The following PROX2 variants were observed in gnomAD, a reference collection of about 807,000 sequenced individuals.
The protein encoded by PROX2 is prospero homeobox protein 2.
PROX2 carries 46 observed loss-of-function variants against 48.9 expected under a neutral mutation model. That is an observed-to-expected ratio of 0.94 (90% confidence interval 0.74 to 1.20). The LOEUF is 1.20. PROX2 is among the 50% of genes most tolerant of loss of function. The pLI is 0.00. For missense variants in PROX2, 663 were observed against 719.4 expected (o/e 0.92, Z 0.90); for synonymous variants, 260 against 276.6 (o/e 0.94, Z 0.60).
intron 1 of PROX2, among the ~76,000 whole-genome samples, chr14:74,873,317 A>G (rs1012113234): frequency 5.3e-5 from 8 of 152,190 alleles, no homozygotes; most frequent in African/African-American, 1.4e-4. Context: ...ACTTACACAA[A>G]TTAACTCTGC....
chr14:74,860,718 A>T (rs1175644828), intron 3 of PROX2, among the ~76,000 whole-genome samples: 3 of 152,194 alleles, frequency 2.0e-5, no homozygotes, highest in Admixed American at 2.0e-4. Flanking sequence ...GTCCCAAGTC[A>T]TTCCAAAGAT....
chr14:74,871,303 A>G (rs1285474906), intron 1 of PROX2, 66 bp from the exon 2 acceptor site: 1 of 152,094 alleles, frequency 6.6e-6, no homozygotes, highest in Non-Finnish European at 1.5e-5. Flanking sequence ...TTTTCTCATT[A>G]ACTCTTTCCC....
Position 74,863,075 on chromosome 14 carries a change from T to C in PROX2, c.760A>G (p.Thr254Ala). ...CCCTGGAAGCTTCTGCCCAGCTGAG[T>C]CAGGTGGCCTGGTGGATCCAATAGT... ...KVLLDPPGHL[T>A]QLGRSFQGQV... is the part of the protein sequence containing the mutation. The change falls in exon 3 of 6, where the codon ACT becomes GCT. Residue 254 changes from threonine (T) to alanine (A), a missense_variant. Physicochemically the swap from Thr to Ala is moderately conservative, Grantham distance 58. Transcript: ENST00000556489. The C allele has an allele frequency of 1.9e-6, 3 of 1,613,956 alleles. No homozygotes were observed. Among genetic ancestry groups the C allele is most frequent in the Non-Finnish European group, 2.5e-6 (3 of 1,179,862 alleles).
At position 74,856,945 on chromosome 14, in the gene PROX2, AC is replaced by A; in HGVS notation, c.1463del (p.Arg488LeufsTer60). The A allele has an allele frequency of 6.2e-7, 1 of 1,614,024 alleles. No homozygotes were observed. Among genetic ancestry groups the A allele is most frequent in the Non-Finnish European group, 8.5e-7 (1 of 1,179,886 alleles). On this transcript the variant is annotated frameshift_variant, in exon 5 of 6. Coordinates refer to ENST00000556489, the MANE Select transcript of PROX2 (RefSeq NM_001243007.2). LOFTEE classifies it high-confidence loss of function. ...SQMIKWFSNFREFYYIQMEKS... is the reference protein window; with the variant it reads ...SQMIKWFSNFXEFYYIQMEKS... ...TTTCCATTTGGATGTAATAAAACTC[AC>A]GAAAGTTGCTGAACCACTTGATCAT... is the stretch of plus-strand genomic sequence containing the variant.
At chr14:74,873,808 C>T in intron 1 of PROX2, 1 of 459,662 alleles carries the variant, frequency 2.2e-6, no homozygotes, top group Non-Finnish European at 4.3e-6. Context: ...ATGCTGTATG[C>T]AATCCATAGC....
At chr14:74,857,665 T>C (rs1336595880) in intron 4 of PROX2, 1 of 152,184 alleles carries the variant, frequency 6.6e-6, no homozygotes, top group East Asian at 1.9e-4. Flanking sequence ...TCACTCAGTT[T>C]TGAACTATAG....
At chr14:74,859,628 G>T (rs550276270) in intron 3 of PROX2, among the ~76,000 whole-genome samples, 94 of 152,214 alleles carry the variant, frequency 6.2e-4, no homozygotes, top group Non-Finnish European at 1.1e-3. Context: ...CATTTTTAGG[G>T]ACAGTCCTTA....
At position 74,855,153 on chromosome 14, in the gene PROX2, T is replaced by G. The variant is rs756400333; in HGVS notation, c.1758A>C (p.Lys586Asn). The part of the protein sequence containing the change: ...KLDSDIPEIF[K>N]SSSYPQ ...ACAGCTACTGGGGATAGCTGGAAGA[T>G]TTGAATATCTCTGGGATGTCACTGT... Residue 586 changes from lysine (K) to asparagine (N), a missense_variant, in exon 6 of 6, where the codon AAA (lysine) becomes AAC (asparagine). Coordinates refer to ENST00000556489, the MANE Select transcript of PROX2 (RefSeq NM_001243007.2). The G allele has an allele frequency of 3.2e-6, 5 of 1,565,500 alleles. No homozygotes were observed. In the African/African-American group the frequency reaches 5.4e-5, roughly 17 times the overall value.
intron 3 of PROX2, among the ~76,000 whole-genome samples, chr14:74,861,044 C>T (rs191190632): frequency 8.2e-4 from 125 of 152,274 alleles, no homozygotes; most frequent in African/African-American, 2.8e-3. Flanking sequence ...TACAGTTGCT[C>T]GCTAACTTCC....
chr14:74,855,031 G>C lies in PROX2; in HGVS notation c.*101C>G, dbSNP rs1036981841. 1.5e-6 allele frequency: 1 copy of C among 680,318 alleles called. No homozygotes were observed. The highest frequency in any genetic ancestry group is 2.3e-6 in the Non-Finnish European group (1 of 440,640). The allele number at this position is 680,318 out of a possible 1,614,324, so 42.1% of individuals were successfully genotyped here. ...CTGTTTTGATAGAGGAGATTTCCTT[G>C]TGCCCTTTTTATATGACTACAGCTA... On this transcript the variant is annotated 3_prime_UTR_variant, in exon 6 of 6. Coordinates refer to ENST00000556489, the MANE Select transcript of PROX2 (RefSeq NM_001243007.2).
At chr14:74,856,420 G>A (rs545382229) in intron 5 of PROX2, 4 of 177,230 alleles carry the variant, frequency 2.3e-5, no homozygotes, top group African/African-American at 9.4e-5. Flanking sequence ...CATAGAAATT[G>A]TTGAGAAAAC....
At position 74,854,912 on chromosome 14, in the gene PROX2, A is replaced by T. The variant is rs1488421951; in HGVS notation, c.*220T>A. On this transcript the variant is annotated 3_prime_UTR_variant, in exon 6 of 6. Coordinates refer to ENST00000556489, the MANE Select transcript of PROX2 (RefSeq NM_001243007.2). ...TGGAAACTTGTGTTCCTTTTACAAT[A>T]TACTACCAATACACCAATATAGTTA... 52 of 346,298 alleles carry T rather than the reference A, an allele frequency of 1.5e-4. No homozygotes were observed. Among genetic ancestry groups the T allele is most frequent in the Non-Finnish European group, 5.7e-5 (11 of 193,326 alleles). 21.5% of individuals were successfully genotyped at this position (346,298 alleles called of 1,614,324 possible). A position where few individuals can be genotyped will look rare whatever the true frequency, so the allele number is the denominator to read the frequency against.
chr14:74,855,289 A>C lies in PROX2; in HGVS notation c.1622T>G (p.Phe541Cys). The C allele has an allele frequency of 1.9e-6, 3 of 1,554,380 alleles. No individual in the cohort carries two copies. Among genetic ancestry groups the C allele is most frequent in the Non-Finnish European group, 2.6e-6 (3 of 1,140,090 alleles). ...KGNDFEVPDC[F>C]LEIASLTLQE... ...TAACGTCAAGCTGGCAATTTCCAAG[A>C]AGCAATCTGGAACCTGCATTTCCAA... Residue 541 changes from phenylalanine to cysteine, a missense_variant, in exon 6 of 6, where the codon TTC (phenylalanine) becomes TGC (cysteine). Transcript: ENST00000556489.
chr14:74,857,819 A>G (rs1033130599), intron 4 of PROX2: 4 of 148,656 alleles, frequency 2.7e-5, no homozygotes, highest in African/African-American at 1.0e-4. Context: ...GCTGGAGTGC[A>G]GTGGCGTGAT....
chr14:74,871,478 A>G (rs547456608), intron 1 of PROX2, among the ~76,000 whole-genome samples: 143 of 152,174 alleles, frequency 9.4e-4, no homozygotes, highest in Middle Eastern at 3.4e-3. Flanking sequence ...TCAAGTATAT[A>G]ATGGACGACA....
intron 2 of PROX2, among the ~76,000 whole-genome samples, chr14:74,865,761 G>T (rs1486226527): frequency 3.3e-5 from 5 of 151,488 alleles, no homozygotes; most frequent in Non-Finnish European, 7.4e-5. Flanking sequence ...AATCTGGGGG[G>T]CAGAGGTTGC....
Position 74,863,535 on chromosome 14 carries a change from T to C in PROX2, c.300A>G (p.Arg100=). 1 of 1,613,594 alleles carries C rather than the reference T, an allele frequency of 6.2e-7. No individual in the cohort carries two copies. The highest frequency in any genetic ancestry group is 8.5e-7 in the Non-Finnish European group (1 of 1,179,716). ...GVSPRCPKKA[R]ERKRKQNLPT... Reference sequence around the variant, plus strand: ...GAAGGTTCTGCTTCCTCTTCCTCTCTCGGGCCTTCTTTGGGCAGCGTGGGC... The same window carrying C: ...GAAGGTTCTGCTTCCTCTTCCTCTCCCGGGCCTTCTTTGGGCAGCGTGGGC... Residue 100 remains arginine (R), a synonymous_variant, in exon 3 of 6, where the codon CGA becomes CGG. Transcript: ENST00000556489.
At chr14:74,856,732 T>G (rs1202929722) in intron 5 of PROX2, 69 bp downstream of exon 5, 2 of 1,392,660 alleles carry the variant, frequency 1.4e-6, no homozygotes, top group African/African-American at 2.9e-5. Context: ...AGAGGGATCT[T>G]TCCTAAAACT....
intron 5 of PROX2, 78 bp downstream of exon 5, chr14:74,856,723 G>T: frequency 1.6e-6 from 2 of 1,285,422 alleles, no homozygotes; most frequent in Non-Finnish European, 1.1e-6. Context: ...AGACACAGAA[G>T]AGGGATCTTT....
Sources: gnomAD v4.1 joint callset for allele counts (sites outside exome capture counted in the v4.1 genomes callset) on GRCh38, gnomAD v4.1.1 for gene constraint, MANE v1.5 for transcripts, NCBI Gene and HGNC (gene_info 2026-07-23, HGNC 2026-07-21) for gene names.